RNF125: variants seen among roughly 807,000 people sequenced by gnomAD.
RNF125 encodes ring finger protein 125, also known as E3 ubiquitin-protein ligase RNF125.
In RNF125, 21 loss-of-function variants were observed where a neutral mutation model predicts 26.0. The ratio of observed to expected loss-of-function variants is 0.81; its 90% confidence interval spans 0.57 to 1.16. The LOEUF (loss-of-function observed/expected upper bound fraction) is 1.16, where lower values mean the gene tolerates loss of function less well. Ranked by LOEUF, RNF125 falls within the 50% of genes most tolerant of loss-of-function variation. The pLI is 0.00. For missense variants in RNF125, 270 were observed against 299.4 expected, an observed-to-expected ratio of 0.90 and a Z score of 0.72; for synonymous variants, 95 against 109.2, an observed-to-expected ratio of 0.87 and a Z score of 0.81.
At chr18:32,054,210 C>T (rs2039358310) in intron 4 of RNF125, among the ~76,000 whole-genome samples, 1 of 151,182 alleles carries the variant, frequency 6.6e-6, no homozygotes, top group South Asian at 2.1e-4. Context: ...TCTCCTGCCT[C>T]AGCCTCCCAA....
chr18:32,065,816 C>A, intron 4 of RNF125, 86 bp from the exon 5 acceptor site: 2 of 940,572 alleles, frequency 2.1e-6, no homozygotes, highest in Non-Finnish European at 3.4e-6. Flanking sequence ...CAGGCGTAAG[C>A]CACCGCGCCC....
chr18:32,029,513 C>A (rs1292723530), intron 1 of RNF125, among the ~76,000 whole-genome samples: 1 of 150,858 alleles, frequency 6.6e-6, no homozygotes, highest in Admixed American at 6.6e-5. Flanking sequence ...GTAGTCCCAG[C>A]TACTCAGGAG....
At chr18:32,037,356 G>T in intron 2 of RNF125, 87 bp downstream of exon 2, 2 of 516,790 alleles carry the variant, frequency 3.9e-6, no homozygotes, top group Non-Finnish European at 6.3e-6. Flanking sequence ...TGACCCCATG[G>T]TACGCACCTT....
At chr18:32,066,651 C>T (rs796300515) in intron 5 of RNF125, among the ~76,000 whole-genome samples, 2 of 152,258 alleles carry the variant, frequency 1.3e-5, no homozygotes, top group East Asian at 1.9e-4. Flanking sequence ...AGGTATTTAA[C>T]CTCGGAAACT....
intron 1 of RNF125, among the ~76,000 whole-genome samples, chr18:32,034,731 G>A (rs2039135175): frequency 6.6e-6 from 1 of 151,668 alleles, no homozygotes; most frequent in African/African-American, 2.4e-5. Context: ...TGGCCAACAT[G>A]GCGAAACACA....
chr18:32,042,630 C>G (rs1300548507), intron 3 of RNF125, among the ~76,000 whole-genome samples: 1 of 152,038 alleles, frequency 6.6e-6, no homozygotes, highest in African/African-American at 2.4e-5. Context: ...GATTATCCAT[C>G]TTCTGTCACC....
downstream of RNF125, among the ~76,000 whole-genome samples, chr18:32,077,612 C>T (rs529901715): frequency 1.4e-4 from 22 of 152,062 alleles, no homozygotes; most frequent in East Asian, 4.1e-3. Flanking sequence ...CCGCCCACCT[C>T]GGCCTCCCAA....
intron 1 of RNF125, among the ~76,000 whole-genome samples, chr18:32,034,407 C>T (rs1436525760): frequency 6.6e-6 from 1 of 152,164 alleles, no homozygotes; most frequent in African/African-American, 2.4e-5. Flanking sequence ...AGGTTATAGT[C>T]GGTCTGGGGG....
chr18:32,076,804 T>C (rs114967233), downstream of RNF125, among the ~76,000 whole-genome samples: 1,488 of 152,242 alleles, frequency 9.8e-3, 24 homozygotes, highest in African/African-American at 0.034. Flanking sequence ...CACTTTCTAT[T>C]CCTTCTGTTT....
At position 32,069,890 on chromosome 18, in the gene RNF125, A is replaced by T. The variant is rs1334785488; in HGVS notation, c.*1506A>T. On this transcript the variant is annotated 3_prime_UTR_variant, in exon 6 of 6. Transcript: ENST00000217740. Reference sequence around the variant, plus strand: ...TGATTGCACACTCATGGCACGGTTCAGCACATTGCCCTGTCCTCTCGATAT... The same window carrying T: ...TGATTGCACACTCATGGCACGGTTCTGCACATTGCCCTGTCCTCTCGATAT... 1 of 152,164 alleles carries T rather than the reference A, an allele frequency of 6.6e-6. No homozygotes were observed. Among genetic ancestry groups the T allele is most frequent in the Non-Finnish European group, 1.5e-5 (1 of 68,030 alleles). The allele number at this position is 152,164 out of a possible 1,614,324, so 9.4% of individuals were successfully genotyped here.
the RNF125 span, among the ~76,000 whole-genome samples, chr18:32,089,571 A>T: frequency 6.6e-6 from 1 of 152,226 alleles, no homozygotes; most frequent in South Asian, 2.1e-4. Context: ...AATATCAAGT[A>T]GCTTTTCACC....
chr18:32,036,154 CAAAAA>C (rs59263221), intron 1 of RNF125, among the ~76,000 whole-genome samples: 2 of 120,456 alleles, frequency 1.7e-5, no homozygotes, highest in African/African-American at 6.2e-5. Context: ...GACTCCATCT[CAAAAA>C]AAAAAAAAAA....
At chr18:32,089,730 G>T in the RNF125 span, among the ~76,000 whole-genome samples, 1 of 152,012 alleles carries the variant, frequency 6.6e-6, no homozygotes, top group Admixed American at 6.6e-5. Context: ...CGTGTATACC[G>T]AATGACTTAT....
At chr18:32,079,572 G>T in the RNF125 span, among the ~76,000 whole-genome samples, 1 of 152,156 alleles carries the variant, frequency 6.6e-6, no homozygotes, top group Non-Finnish European at 1.5e-5. Flanking sequence ...ATTGTTTCTG[G>T]AACTTAGCAA....
intron 1 of RNF125, among the ~76,000 whole-genome samples, chr18:32,030,232 A>G (rs986022181): frequency 4.6e-5 from 7 of 152,024 alleles, no homozygotes; most frequent in Admixed American, 4.6e-4. Flanking sequence ...TAGTAGAGAC[A>G]GGGTTTCACC....
At chr18:32,084,737 C>T in the RNF125 span, among the ~76,000 whole-genome samples, 1 of 152,158 alleles carries the variant, frequency 6.6e-6, no homozygotes, top group Non-Finnish European at 1.5e-5. Context: ...TCCTAATCAA[C>T]TGTAACATAG....
intron 4 of RNF125, among the ~76,000 whole-genome samples, chr18:32,048,319 G>A (rs904812797): frequency 9.9e-5 from 15 of 151,766 alleles, no homozygotes; most frequent in African/African-American, 1.9e-4. Flanking sequence ...CCAGCTACTC[G>A]GGAGGCTGAG....
At chr18:32,054,207 C>G (rs1297247022) in intron 4 of RNF125, among the ~76,000 whole-genome samples, 3 of 151,222 alleles carry the variant, frequency 2.0e-5, no homozygotes, top group Non-Finnish European at 4.4e-5. Flanking sequence ...GATTCTCCTG[C>G]CTCAGCCTCC....
At chr18:32,041,903 T>TA (rs1387062232) in intron 2 of RNF125, 1 of 313,366 alleles carries the variant, frequency 3.2e-6, no homozygotes, top group Non-Finnish European at 6.1e-6. Flanking sequence ...GTGCTGGGAT[T>TA]ACAGGCGTGA....
Sources: allele counts gnomAD v4.1 joint callset (sites outside exome capture counted in the v4.1 genomes callset), GRCh38; gene constraint gnomAD v4.1.1; transcripts MANE v1.5; gene names NCBI Gene and HGNC (gene_info 2026-07-23, HGNC 2026-07-21).